Variants in CDK10 observed in about 807,000 individuals in gnomAD.
The protein encoded by CDK10 is cyclin-dependent kinase 10.
In CDK10, 55 loss-of-function variants were observed where a neutral mutation model predicts 51.0. The ratio of observed to expected loss-of-function variants is 1.08; its 90% CI spans 0.87 to 1.35. The LOEUF (loss-of-function observed/expected upper bound fraction) is 1.35, where lower values mean the gene tolerates loss of function less well. CDK10 is among the 40% of genes most tolerant of loss of function. The pLI is 0.00. For synonymous variants in CDK10, 255 were observed against 199.1 expected (o/e 1.28, Z -2.36); for missense variants, 589 against 485.1 (o/e 1.21, Z -2.01).
Position 89,686,797 on chromosome 16 carries a change from G to A in CDK10, c.87G>A (p.Arg29=), listed in dbSNP as rs1444880466. 7.5e-6 allele frequency: 12 copies of A among 1,608,504 alleles called. No homozygotes were observed. The highest frequency in any genetic ancestry group is 9.3e-6 in the Non-Finnish European group (11 of 1,177,328). ...TCTTCACGGTGCCTCCGGAACACAGGGTGCGCGGGGTGCCACCCGGGCAGC... is the reference window on the plus strand; with the variant it reads ...TCTTCACGGTGCCTCCGGAACACAGAGTGCGCGGGGTGCCACCCGGGCAGC... ...EGFFTVPPEH[R]LGRCRSVKEF... The change falls in exon 1 of 13, where the codon AGG becomes AGA. Residue 29 remains arginine, a splice_region_variant and synonymous_variant. Transcript: ENST00000353379.
chr16:89,687,064 C>G (rs1019309377), intron 1 of CDK10: 3 of 379,210 alleles, frequency 7.9e-6, no homozygotes, highest in Non-Finnish European at 9.4e-6. Flanking sequence ...TTGGGAAGAG[C>G]AAGCTCCGGG....
rs775335780 is a variant in CDK10, at chr16:89,695,729, G to A, written c.*37G>A. 5 of 1,590,922 alleles carry A rather than the reference G, an allele frequency of 3.1e-6. No individual in the cohort carries two copies. In the East Asian group the frequency reaches 1.1e-4, roughly 36 times the overall value. On this transcript the variant is annotated 3_prime_UTR_variant, in exon 13 of 13. Coordinates refer to ENST00000353379, the MANE Select transcript of CDK10 (RefSeq NM_052988.5). Reference sequence around the variant, plus strand: ...GCACACGCCTGTATTCCCACACCAGGTCTTCCGATCAGTGGTGTCTGTGAA... The same window carrying A: ...GCACACGCCTGTATTCCCACACCAGATCTTCCGATCAGTGGTGTCTGTGAA...
In CDK10 at chr16:89,690,545, C is replaced by T. The variant is rs765266172; in HGVS notation, c.161-8C>T. ...GATGATGTCATCACCAATGTGTTTC[C>T]ATTCCAGATCGGGCCCGGGACACCC... On this transcript the variant is annotated splice_region_variant and splice_polypyrimidine_tract_variant and intron_variant, in intron 2 of 12. Transcript: ENST00000353379. 17 of 1,613,520 alleles carry T rather than the reference C, an allele frequency of 1.1e-5. No homozygotes were observed. The South Asian group carries it at 1.8e-4, about 17-fold the overall frequency.
chr16:89,688,293 A>G (rs1388423037), intron 1 of CDK10, among the ~76,000 whole-genome samples: 1 of 151,900 alleles, frequency 6.6e-6, no homozygotes, highest in African/African-American at 2.4e-5. Context: ...CGTGTTAGTC[A>G]GGGTGCTCTA....
intron 8 of CDK10, 157 bp downstream of exon 8, chr16:89,693,624 A>T: frequency 1.4e-6 from 1 of 712,314 alleles, no homozygotes; most frequent in Non-Finnish European, 2.4e-6. Flanking sequence ...AGCCTCCAGG[A>T]CACAGCAGGG....
chr16:89,694,453 G>C lies in CDK10; in HGVS notation c.669-212G>C, dbSNP rs941502757. On this transcript the variant is annotated intron_variant, in intron 9 of 12. Transcript: ENST00000353379. ...GCTGGGAGCACAGAGGTCTGGAGGA[G>C]GCACGCCTGCCCCTGCACTTGTCAC... The C allele has an allele frequency of 1.9e-5, 17 of 903,608 alleles. No homozygotes were observed. In the African/African-American group the frequency reaches 2.1e-4, roughly 11 times the overall value. The allele number at this position is 903,608 out of a possible 1,614,324, so 56.0% of individuals were successfully genotyped here.
intron 1 of CDK10, chr16:89,687,510 C>T (rs774802301): frequency 2.2e-6 from 1 of 456,094 alleles, no homozygotes. Context: ...CAGGCGCTCA[C>T]CGCGTTGAGA....
At chr16:89,689,126 T>A in intron 1 of CDK10, 126 bp from the exon 2 acceptor site, 3 of 789,090 alleles carry the variant, frequency 3.8e-6, no homozygotes, top group South Asian at 1.6e-5. Flanking sequence ...AGCCCAAACG[T>A]GTGGTTGCCT....
chr16:89,694,721 C>T lies in CDK10; in HGVS notation c.725C>T (p.Thr242Ile), dbSNP rs1060499745. 2 of 1,582,772 alleles carry T rather than the reference C, an allele frequency of 1.3e-6. No individual in the cohort carries two copies. Among genetic ancestry groups the T allele is most frequent in the Non-Finnish European group, 1.7e-6 (2 of 1,165,058 alleles). The stretch of plus-strand genomic sequence containing the variant: ...GCGCACAGGCCTCTTCTCCCCGGCA[C>T]TTCCGAGATCCACCAGATCGACTTG... The part of the protein sequence containing the change: ...LLAHRPLLPG[T>I]SEIHQIDLIV... The change falls in exon 10 of 13, where the codon ACT (threonine) becomes ATT (isoleucine). Residue 242 changes from threonine (T) to isoleucine (I), a missense_variant. Thr to Ile is a moderately conservative substitution (Grantham distance 89, BLOSUM62 -1). Transcript: ENST00000353379.
At position 89,694,362 on chromosome 16, in the gene CDK10, C is replaced by T. The variant is rs979010953; in HGVS notation, c.668+130C>T. On this transcript the variant is annotated intron_variant, in intron 9 of 12. Coordinates refer to ENST00000353379, the MANE Select transcript of CDK10 (RefSeq NM_052988.5). ...TGGGGTCTTTGCCAGCCTCCCACTC[C>T]CAGGGAGGTGGGCCTGAGCCTGGAA... The T allele has an allele frequency of 3.9e-6, 4 of 1,026,934 alleles. No individual in the cohort carries two copies. The Admixed American group carries it at 6.0e-5, about 16-fold the overall frequency. The allele number at this position is 1,026,934 out of a possible 1,614,324, so 63.6% of individuals were successfully genotyped here.
At chr16:89,692,771 A>T in intron 6 of CDK10, 1 of 359,148 alleles carries the variant, frequency 2.8e-6, no homozygotes, top group Non-Finnish European at 5.0e-6. Context: ...GAGCCACCAC[A>T]CCCAGGCATG....
At chr16:89,695,397 T>C (rs748244864) in intron 12 of CDK10, 52 bp downstream of exon 12, 179 of 1,582,304 alleles carry the variant, frequency 1.1e-4, no homozygotes, top group Non-Finnish European at 1.4e-4. Context: ...TGGGAGCCCG[T>C]TTTGCCCGGG....
In CDK10 at chr16:89,693,378, C is replaced by T. The variant is rs893980129; in HGVS notation, c.539-20C>T. The T allele has an allele frequency of 6.2e-6, 10 of 1,614,034 alleles. No individual in the cohort carries two copies. The highest frequency in any genetic ancestry group is 2.7e-5 in the African/African-American group (2 of 74,910). ...TCCCTAGATGGCACTTGGTGACACACACTCCCCTCTCTGCTGCAGCGGATT... is the reference window on the plus strand; with the variant it reads ...TCCCTAGATGGCACTTGGTGACACATACTCCCCTCTCTGCTGCAGCGGATT... On this transcript the variant is annotated intron_variant, in intron 7 of 12. Transcript: ENST00000353379.
At chr16:89,690,427 C>T (rs1330280392) in intron 2 of CDK10, 126 bp from the exon 3 acceptor site, 9 of 766,364 alleles carry the variant, frequency 1.2e-5, no homozygotes, top group Non-Finnish European at 2.1e-5. Flanking sequence ...CTGAGTGTCA[C>T]TGGGCATGAG....
intron 9 of CDK10, 196 bp downstream of exon 9, chr16:89,694,428 G>A: frequency 2.3e-6 from 2 of 852,972 alleles, no homozygotes; most frequent in East Asian, 2.7e-5. Flanking sequence ...CTGTTCTCAG[G>A]CTGGGAGCAC....
intron 12 of CDK10, 63 bp downstream of exon 12, chr16:89,695,408 G>GT: frequency 6.4e-7 from 1 of 1,565,664 alleles, no homozygotes. Flanking sequence ...TTTGCCCGGG[G>GT]TGGGTGGTGG....
chr16:89,689,415 G>GTCCCTTCCAGCCCC, intron 2 of CDK10, 91 bp downstream of exon 2: 1 of 1,096,830 alleles, frequency 9.1e-7, no homozygotes, highest in Non-Finnish European at 1.4e-6. Context: ...GTTGGGGCTG[G>GTCCCTTCCAGCCCC]AAGGGACTCA....
intron 4 of CDK10, 93 bp downstream of exon 4, chr16:89,691,638 C>A: frequency 8.0e-7 from 1 of 1,253,826 alleles, no homozygotes; most frequent in Non-Finnish European, 1.2e-6. Flanking sequence ...TGTCACTGGG[C>A]ATGAGGTTGT....
intron 8 of CDK10, chr16:89,693,938 G>T: frequency 1.7e-6 from 1 of 601,582 alleles, no homozygotes; most frequent in Admixed American, 2.9e-5. Context: ...GTGTGGCTGT[G>T]TGCCGAGGGT....
Sources: allele counts gnomAD v4.1 joint callset (sites outside exome capture counted in the v4.1 genomes callset), GRCh38; gene constraint gnomAD v4.1.1; transcripts MANE v1.5; gene names NCBI Gene and HGNC (gene_info 2026-07-23, HGNC 2026-07-21).